Variants in CEP85L observed in about 807,000 individuals in gnomAD.
CEP85L encodes the protein centrosomal protein of 85 kDa-like.
In CEP85L, 60 loss-of-function variants were observed where a neutral mutation model predicts 100.3. The observed-to-expected ratio is 0.60, with a 90% CI of 0.49 to 0.74. CEP85L has a LOEUF of 0.74. Ranked by LOEUF, CEP85L falls within the 30% of genes least tolerant of loss-of-function variation. The probability of loss-of-function intolerance (pLI) is 0.00; values close to 1 mark genes in which losing one functional copy is unlikely to be tolerated. For missense variants in CEP85L, 973 were observed against 936.2 expected, an observed-to-expected ratio of 1.04 and a Z score of -0.51; for synonymous variants, 319 against 322.7, an observed-to-expected ratio of 0.99 and a Z score of 0.12.
chr6:118,505,409 C>CAAAAAAA (rs56893664), intron 5 of CEP85L, among the ~76,000 whole-genome samples: 744 of 71,744 alleles, frequency 0.01, 99 homozygotes, highest in Non-Finnish European at 0.013. Flanking sequence ...TCACTGTACT[C>CAAAAAAA]AAAAAAAAAA....
At position 118,651,307 on chromosome 6, in the gene CEP85L, C is replaced by A. The variant is rs555104510; in HGVS notation, c.-38G>T. 2.4e-5 allele frequency: 35 copies of A among 1,435,034 alleles called. No homozygotes were observed. The African/African-American group carries it at 5.1e-4, about 21-fold the overall frequency. 88.9% of individuals were successfully genotyped at this position (1,435,034 alleles called of 1,614,324 possible). ...GGCCGGGTGGGCCAGGGACGCCCGA[C>A]TCCTCACGTCCGTCCTCCTGCTTCT... On this transcript the variant is annotated 5_prime_UTR_variant, in exon 1 of 13. Coordinates refer to ENST00000368491, the MANE Select transcript of CEP85L (RefSeq NM_001042475.3).
At chr6:118,577,289 G>A (rs1044849515) in intron 2 of CEP85L, among the ~76,000 whole-genome samples, 1 of 152,114 alleles carries the variant, frequency 6.6e-6, no homozygotes, top group African/African-American at 2.4e-5. Context: ...GACCACTATT[G>A]GATACTCTGC....
At chr6:118,546,837 C>T (rs1452791234) in intron 3 of CEP85L, among the ~76,000 whole-genome samples, 3 of 152,114 alleles carry the variant, frequency 2.0e-5, no homozygotes, top group Admixed American at 1.3e-4. Flanking sequence ...AAGTATCAAA[C>T]ATTATTCTGC....
intron 10 of CEP85L, among the ~76,000 whole-genome samples, chr6:118,477,420 ATAAG>A (rs1208964007): frequency 2.0e-5 from 3 of 152,218 alleles, no homozygotes; most frequent in African/African-American, 7.2e-5. Context: ...CCTATAACAG[ATAAG>A]TATTTATTTG....
At chr6:118,707,002 C>T (rs750651017) in intron 1 of CEP85L, among the ~76,000 whole-genome samples, 9 of 152,144 alleles carry the variant, frequency 5.9e-5, no homozygotes, top group Non-Finnish European at 1.2e-4. Context: ...CCTCATTGGC[C>T]TGGCAAATCC....
At chr6:118,598,639 G>A (rs1315652120) in intron 2 of CEP85L, among the ~76,000 whole-genome samples, 2 of 152,142 alleles carry the variant, frequency 1.3e-5, no homozygotes, top group Non-Finnish European at 2.9e-5. Context: ...GCTAGAAAAG[G>A]CAAGGAAGAA....
intron 1 of CEP85L, among the ~76,000 whole-genome samples, chr6:118,675,074 A>G (rs1044217727): frequency 6.6e-5 from 10 of 152,322 alleles, no homozygotes; most frequent in African/African-American, 2.4e-4. Context: ...GTCAACTCAT[A>G]AATGGATAAA....
intron 6 of CEP85L, 42 bp from the exon 7 acceptor site, chr6:118,483,900 TTAAAAGA>T (rs758778042): frequency 6.3e-7 from 1 of 1,574,862 alleles, no homozygotes; most frequent in South Asian, 1.2e-5. Context: ...TTTTCAGTCA[TTAAAAGA>T]TATAACAAAA....
At chr6:118,634,650 T>C (rs1306993469) in intron 1 of CEP85L, among the ~76,000 whole-genome samples, 4 of 147,726 alleles carry the variant, frequency 2.7e-5, no homozygotes, top group Non-Finnish European at 6.1e-5. Context: ...AACACTCACA[T>C]TAAAGCACCA....
At chr6:118,540,541 G>C (rs1439440991) in intron 3 of CEP85L, among the ~76,000 whole-genome samples, 1 of 152,004 alleles carries the variant, frequency 6.6e-6, no homozygotes, top group African/African-American at 2.4e-5. Context: ...CACATCACGA[G>C]GTCAAGAGAT....
chr6:118,674,900 G>A (rs1335870056), intron 1 of CEP85L, among the ~76,000 whole-genome samples: 1 of 152,188 alleles, frequency 6.6e-6, no homozygotes, highest in Non-Finnish European at 1.5e-5. Flanking sequence ...AAAACAATTT[G>A]GCAGTTCCTC....
intron 5 of CEP85L, among the ~76,000 whole-genome samples, chr6:118,493,310 T>C (rs943630232): frequency 2.0e-5 from 3 of 152,144 alleles, no homozygotes; most frequent in African/African-American, 7.2e-5. Context: ...AACTTACAAA[T>C]CTAGGTTGCA....
chr6:118,532,801 T>C (rs1052657530), intron 3 of CEP85L, among the ~76,000 whole-genome samples: 1 of 152,152 alleles, frequency 6.6e-6, no homozygotes, highest in African/African-American at 2.4e-5. Flanking sequence ...GTAATAGGGC[T>C]AGGCTTGAAA....
intron 3 of CEP85L, among the ~76,000 whole-genome samples, chr6:118,530,146 G>GA (rs1777209973): frequency 1.3e-5 from 2 of 151,948 alleles, no homozygotes; most frequent in Admixed American, 1.3e-4. Flanking sequence ...TCTCATATGA[G>GA]AAAAAACTAT....
intron 1 of CEP85L, among the ~76,000 whole-genome samples, chr6:118,659,068 G>C (rs745589088): frequency 1.3e-5 from 2 of 152,106 alleles, no homozygotes; most frequent in Non-Finnish European, 2.9e-5. Context: ...TAAAACCCTA[G>C]TAGAATAACC....
intron 1 of CEP85L, among the ~76,000 whole-genome samples, chr6:118,646,331 T>C (rs1408057890): frequency 1.3e-5 from 2 of 152,162 alleles, no homozygotes; most frequent in African/African-American, 4.8e-5. Context: ...CAGTGTAAAA[T>C]ATGAAAATCC....
At chr6:118,649,011 C>T (rs1004262090) in intron 1 of CEP85L, among the ~76,000 whole-genome samples, 1 of 151,918 alleles carries the variant, frequency 6.6e-6, no homozygotes, top group Non-Finnish European at 1.5e-5. Flanking sequence ...AATTTCCTTC[C>T]AATTATCAGG....
intron 1 of CEP85L, among the ~76,000 whole-genome samples, chr6:118,675,000 A>G (rs1212117523): frequency 6.6e-6 from 1 of 152,218 alleles, no homozygotes; most frequent in East Asian, 1.9e-4. Context: ...ACAATAACCT[A>G]TATACAAACA....
chr6:118,522,022 G>A (rs746328048), intron 4 of CEP85L, among the ~76,000 whole-genome samples: 21 of 152,010 alleles, frequency 1.4e-4, no homozygotes, highest in Non-Finnish European at 2.6e-4. Context: ...TTGAGGGAGG[G>A]CAAATCCATG....
Sources: allele counts gnomAD v4.1 joint callset (sites outside exome capture counted in the v4.1 genomes callset), GRCh38; gene constraint gnomAD v4.1.1; transcripts MANE v1.5; gene names NCBI Gene and HGNC (gene_info 2026-07-23, HGNC 2026-07-21).